Variants in KCTD16 observed in about 807,000 individuals in gnomAD.
KCTD16 encodes the protein BTB/POZ domain-containing protein KCTD16.
KCTD16 carries 13 observed loss-of-function variants against 33.2 expected under a neutral mutation model. The ratio of observed to expected loss-of-function variants is 0.39; its 90% confidence interval spans 0.25 to 0.62. The LOEUF (loss-of-function observed/expected upper bound fraction) is 0.62. Ranked by LOEUF, KCTD16 falls within the 20% of genes least tolerant of loss-of-function variation. The pLI, the probability that KCTD16 is intolerant of heterozygous loss-of-function variation, is 0.50. For missense variants in KCTD16, 441 were observed against 525.1 expected, an observed-to-expected ratio of 0.84 and a Z score of 1.57; for synonymous variants, 197 against 195.3, an observed-to-expected ratio of 1.01 and a Z score of -0.07.
At chr5:144,213,841 T>A (rs1753476882) in intron 3 of KCTD16, among the ~76,000 whole-genome samples, 1 of 152,170 alleles carries the variant, frequency 6.6e-6, no homozygotes, top group Non-Finnish European at 1.5e-5. Flanking sequence ...TCCCTTATTT[T>A]CTCTCCAGTC....
intron 3 of KCTD16, among the ~76,000 whole-genome samples, chr5:144,390,162 A>G (rs548589360): frequency 5.9e-5 from 9 of 152,382 alleles, no homozygotes; most frequent in African/African-American, 2.2e-4. Context: ...TAGAGCCAAT[A>G]TAACCATTTA....
chr5:144,292,223 A>G (rs1317147298), intron 3 of KCTD16, among the ~76,000 whole-genome samples: 1 of 152,236 alleles, frequency 6.6e-6, no homozygotes, highest in African/African-American at 2.4e-5. Flanking sequence ...GTTCCTGCAA[A>G]CCCAGTTCAG....
chr5:144,180,575 G>A (rs1444575378), intron 2 of KCTD16, among the ~76,000 whole-genome samples: 1 of 152,154 alleles, frequency 6.6e-6, no homozygotes, highest in Non-Finnish European at 1.5e-5. Context: ...CTTGTTGGGG[G>A]TAGCTCATCT....
intron 3 of KCTD16, among the ~76,000 whole-genome samples, chr5:144,380,436 A>T (rs137941198): frequency 6.6e-6 from 1 of 152,352 alleles, no homozygotes; most frequent in East Asian, 1.9e-4. Context: ...TACAGATTCA[A>T]TGCTATTTAT....
chr5:144,327,076 C>T (rs1481508091), intron 3 of KCTD16, among the ~76,000 whole-genome samples: 3 of 152,060 alleles, frequency 2.0e-5, no homozygotes, highest in Non-Finnish European at 4.4e-5. Flanking sequence ...AACTATTTAC[C>T]GCTGGAAGCT....
At chr5:144,175,284 G>GA (rs1169380419) in intron 2 of KCTD16, among the ~76,000 whole-genome samples, 4 of 152,178 alleles carry the variant, frequency 2.6e-5, no homozygotes, top group African/African-American at 9.7e-5. Flanking sequence ...TATTATGGTA[G>GA]AAAATAGTAG....
In KCTD16 at chr5:144,434,214, C is replaced by T. The variant is rs148659697; in HGVS notation, c.833-39446C>T. Reference sequence around the variant, plus strand: ...AATTAACCTTGAAGACTGAGCTGACCGTGTGGGAAGATTTACCTTTCTGGG... The same window carrying T: ...AATTAACCTTGAAGACTGAGCTGACTGTGTGGGAAGATTTACCTTTCTGGG... On this transcript the variant is annotated intron_variant, in intron 3 of 3. Transcript: ENST00000512467. Among the ~76,000 whole-genome samples the T allele has an allele frequency of 2.0e-5, 3 of 151,936 alleles. No individual in the cohort carries two copies. The East Asian group carries it at 5.8e-4, about 29-fold the overall frequency.
intron 3 of KCTD16, among the ~76,000 whole-genome samples, chr5:144,306,213 A>G (rs1189621580): frequency 6.6e-6 from 1 of 152,244 alleles, no homozygotes; most frequent in Non-Finnish European, 1.5e-5. Context: ...GCTTGAGCAG[A>G]GAAGGTAACA....
chr5:144,273,388 A>T (rs1031255238), intron 3 of KCTD16, among the ~76,000 whole-genome samples: 1 of 152,170 alleles, frequency 6.6e-6, no homozygotes, highest in Non-Finnish European at 1.5e-5. Flanking sequence ...AATGCAAAAG[A>T]GTACAGCTGT....
intron 2 of KCTD16, among the ~76,000 whole-genome samples, chr5:144,203,561 T>G (rs917888602): frequency 6.6e-6 from 1 of 152,170 alleles, no homozygotes; most frequent in Non-Finnish European, 1.5e-5. Flanking sequence ...TTAATTTTCA[T>G]TCCTCAAGTC....
chr5:144,270,838 A>T (rs1755272825), intron 3 of KCTD16, among the ~76,000 whole-genome samples: 1 of 151,892 alleles, frequency 6.6e-6, no homozygotes, highest in Non-Finnish European at 1.5e-5. Flanking sequence ...AAGTGATGAC[A>T]TTACTACTGC....
At chr5:144,284,974 C>T (rs1444236060) in intron 3 of KCTD16, among the ~76,000 whole-genome samples, 1 of 152,192 alleles carries the variant, frequency 6.6e-6, no homozygotes, top group Non-Finnish European at 1.5e-5. Context: ...CTCGGGTAAA[C>T]CACCACCATT....
intron 3 of KCTD16, among the ~76,000 whole-genome samples, chr5:144,257,243 CTT>C (rs1267456715): frequency 2.0e-5 from 3 of 152,120 alleles, no homozygotes; most frequent in Non-Finnish European, 4.4e-5. Flanking sequence ...CTAGAACACT[CTT>C]GTCACCACTG....
At chr5:144,242,737 T>G (rs1754439252) in intron 3 of KCTD16, among the ~76,000 whole-genome samples, 1 of 151,990 alleles carries the variant, frequency 6.6e-6, no homozygotes. Context: ...GTGTAGAGAT[T>G]GCATGGTCAT....
chr5:144,359,777 TA>T (rs574902139), intron 3 of KCTD16, among the ~76,000 whole-genome samples: 2 of 151,836 alleles, frequency 1.3e-5, no homozygotes, highest in African/African-American at 2.4e-5. Flanking sequence ...GGGCCAAAGC[TA>T]AAAAAACCCT....
intron 3 of KCTD16, among the ~76,000 whole-genome samples, chr5:144,238,449 T>C (rs981114183): frequency 1.3e-5 from 2 of 152,156 alleles, no homozygotes; most frequent in Non-Finnish European, 2.9e-5. Context: ...TTGGTAACTT[T>C]ACGTCAAAGC....
rs1752369698 is a variant in KCTD16, at chr5:144,171,022, T to C, written c.-493+13T>C. On this transcript the variant is annotated intron_variant, in intron 1 of 3. Transcript: ENST00000512467. Reference sequence around the variant, plus strand: ...TGCTAAAGTGTTTGTATGTATTATTTAATCTTTACAACCTAATGAGATGGT... The same window carrying C: ...TGCTAAAGTGTTTGTATGTATTATTCAATCTTTACAACCTAATGAGATGGT... The C allele has an allele frequency of 6.6e-6, 1 of 152,220 alleles. No homozygotes were observed. Among genetic ancestry groups the C allele is most frequent in the African/African-American group, 2.4e-5 (1 of 41,460 alleles). 9.4% of individuals were successfully genotyped at this position (152,220 alleles called of 1,614,324 possible).
At chr5:144,433,810 A>G (rs1465759786) in intron 3 of KCTD16, among the ~76,000 whole-genome samples, 1 of 152,164 alleles carries the variant, frequency 6.6e-6, no homozygotes, top group African/African-American at 2.4e-5. Context: ...TGCTCTAAAT[A>G]CTACATCATA....
intron 3 of KCTD16, among the ~76,000 whole-genome samples, chr5:144,398,789 T>A (rs1752637577): frequency 6.6e-6 from 1 of 152,142 alleles, no homozygotes; most frequent in South Asian, 2.1e-4. Context: ...TTTTACTGTG[T>A]ATTTATAATA....
Sources: allele counts gnomAD v4.1 joint callset (sites outside exome capture counted in the v4.1 genomes callset), GRCh38; gene constraint gnomAD v4.1.1; transcripts MANE v1.5; gene names NCBI Gene and HGNC (gene_info 2026-07-23, HGNC 2026-07-21).